Variants in PRDM16 observed in about 807,000 individuals in gnomAD.
The protein encoded by PRDM16 is histone-lysine N-methyltransferase PRDM16.
In PRDM16, 23 loss-of-function variants were observed where a neutral mutation model predicts 110.6. The observed-to-expected ratio is 0.21, with a 90% confidence interval of 0.15 to 0.29. The LOEUF is 0.29. Ranked by LOEUF, PRDM16 falls within the 10% of genes least tolerant of loss-of-function variation. The probability of loss-of-function intolerance (pLI) is 1.00; values close to 1 mark genes in which losing one functional copy is unlikely to be tolerated. For synonymous variants in PRDM16, 799 were observed against 781.8 expected, an observed-to-expected ratio of 1.02 and a Z score of -0.37; for missense variants, 1,615 against 1,794.3, an observed-to-expected ratio of 0.90 and a Z score of 1.81.
intron 2 of PRDM16, among the ~76,000 whole-genome samples, chr1:3,202,218 C>G (rs2100829997): frequency 6.6e-6 from 1 of 152,314 alleles, no homozygotes; most frequent in East Asian, 1.9e-4. Context: ...GAAACTGAGT[C>G]TGGGAAACAG....
chr1:3,131,760 G>A (rs1441798227), intron 1 of PRDM16, among the ~76,000 whole-genome samples: 1 of 151,950 alleles, frequency 6.6e-6, no homozygotes, highest in Non-Finnish European at 1.5e-5. Context: ...TCCAGGCCCC[G>A]CAAACCTCAC....
intron 3 of PRDM16, among the ~76,000 whole-genome samples, chr1:3,330,391 T>C (rs1031028230): frequency 7.2e-5 from 11 of 152,254 alleles, no homozygotes; most frequent in African/African-American, 1.9e-4. Flanking sequence ...CAAGGCCTTC[T>C]CTGGTGGCCT....
chr1:3,129,157 T>G (rs1001681527), intron 1 of PRDM16, among the ~76,000 whole-genome samples: 2 of 147,420 alleles, frequency 1.4e-5, no homozygotes, highest in Non-Finnish European at 3.0e-5. Context: ...GGCGTGCGTG[T>G]GTGGGTGGGT....
At chr1:3,188,513 C>T (rs1489471681) in intron 2 of PRDM16, among the ~76,000 whole-genome samples, 1 of 152,220 alleles carries the variant, frequency 6.6e-6, no homozygotes, top group Non-Finnish European at 1.5e-5. Flanking sequence ...ACGCGCTCTC[C>T]TCACGGCGCA....
intron 3 of PRDM16, among the ~76,000 whole-genome samples, chr1:3,280,616 C>T (rs1001605922): frequency 4.6e-5 from 7 of 152,204 alleles, no homozygotes; most frequent in Non-Finnish European, 1.0e-4. Context: ...CCACCTCTCA[C>T]CCCAGCAAGG....
intron 1 of PRDM16, among the ~76,000 whole-genome samples, chr1:3,160,566 C>A (rs1311642116): frequency 2.0e-5 from 3 of 152,288 alleles, no homozygotes; most frequent in African/African-American, 7.2e-5. Context: ...TCACAGAGAA[C>A]AACACAGTCT....
In PRDM16 at chr1:3,325,413, G is replaced by A. The variant is rs191849133; in HGVS notation, c.439-59739G>A. 1.6e-4 allele frequency among the ~76,000 whole-genome samples: 25 copies of A among 152,314 alleles called. No individual in the cohort carries two copies. The East Asian group carries it at 4.3e-3, about 26-fold the overall frequency. ...TCCTGGGAATGGACCGAGTCCTTGT[G>A]GCAGAGGCTGAGGGCTGGCCATGCC... On this transcript the variant is annotated intron_variant, in intron 3 of 16. Coordinates refer to ENST00000270722, the MANE Select transcript of PRDM16 (RefSeq NM_022114.4).
chr1:3,363,103 C>G lies in PRDM16; in HGVS notation c.439-22049C>G, dbSNP rs981800885. 2.0e-5 allele frequency among the ~76,000 whole-genome samples: 3 copies of G among 152,196 alleles called. No individual in the cohort carries two copies. The East Asian group carries it at 5.8e-4, about 29-fold the overall frequency. ...GGGGCCTTTCTGACTGGGCAAGGCC[C>G]ATCACAGCCAGCCTCCCCTGGGGAG... is the stretch of plus-strand genomic sequence containing the variant. On this transcript the variant is annotated intron_variant, in intron 3 of 16. Transcript: ENST00000270722.
chr1:3,343,556 C>G (rs1470349404), intron 3 of PRDM16, among the ~76,000 whole-genome samples: 3 of 151,680 alleles, frequency 2.0e-5, no homozygotes, highest in East Asian at 3.9e-4. Flanking sequence ...CCTCCTGGGA[C>G]TCCAGTTACA....
At chr1:3,296,381 A>G (rs759350707) in intron 3 of PRDM16, among the ~76,000 whole-genome samples, 1 of 152,240 alleles carries the variant, frequency 6.6e-6, no homozygotes, top group Non-Finnish European at 1.5e-5. Context: ...ATTCTCCTGC[A>G]AACACTTCTC....
rs749011586 is a variant in PRDM16 at position 3,370,072 on chromosome 1, T to C, written c.439-15080T>C. Among the ~76,000 whole-genome samples the C allele has an allele frequency of 6.6e-6, 1 of 152,134 alleles. No individual in the cohort carries two copies. Among genetic ancestry groups the C allele is most frequent in the East Asian group, 1.9e-4 (1 of 5,182 alleles). ...CTGCAGGGAAGGCACTAAATATAACTGGGCTGGATCCATCCTGGCCCTTCT... is the reference window on the plus strand; with the variant it reads ...CTGCAGGGAAGGCACTAAATATAACCGGGCTGGATCCATCCTGGCCCTTCT... On this transcript the variant is annotated intron_variant, in intron 3 of 16. Coordinates refer to ENST00000270722, the MANE Select transcript of PRDM16 (RefSeq NM_022114.4). This position sits in a 1 kb window ranked among gnomAD's most constrained non-coding sequence, Gnocchi z 4.8.
chr1:3,233,460 C>T (rs569422631), intron 2 of PRDM16, among the ~76,000 whole-genome samples: 12 of 152,318 alleles, frequency 7.9e-5, no homozygotes, highest in African/African-American at 2.2e-4. Flanking sequence ...TCACAGTGAG[C>T]GGAATCTGTC....
At chr1:3,099,765 AC>A (rs1396126531) in intron 1 of PRDM16, among the ~76,000 whole-genome samples, 3 of 152,176 alleles carry the variant, frequency 2.0e-5, no homozygotes, top group African/African-American at 7.2e-5. Flanking sequence ...AGCATCAGAG[AC>A]CGTTTAAGAG....
chr1:3,146,628 TGTGCTTGGTATGGGGTGTGTGTGTGCAC>T (rs1643663258), intron 1 of PRDM16, among the ~76,000 whole-genome samples: 3 of 127,100 alleles, frequency 2.4e-5, no homozygotes, highest in African/African-American at 3.1e-5. Flanking sequence ...TGTGTGTGCA[TGTGCTTGGTATGGGGTGTGTGTGTGCAC>T]GTGTGTGCTC....
Position 3,314,072 on chromosome 1 carries a change from G to GGGGGGGT in PRDM16, c.438+69941_438+69942insTGGGGGG, listed in dbSNP as rs200867925. On this transcript the variant is annotated intron_variant, in intron 3 of 16. Coordinates refer to ENST00000270722, the MANE Select transcript of PRDM16 (RefSeq NM_022114.4). ...CCCCCGAATGCCGTCCTTCCCCACC[G>GGGGGGGT]GGGGGGGGGGCGGGAACATAAAATG... Among the ~76,000 whole-genome samples the GGGGGGGT allele has an allele frequency of 7.3e-5, 8 of 110,186 alleles. 3 individuals carry two copies. The East Asian group carries it at 3.0e-3, about 42-fold the overall frequency. The allele number at this position is 110,186 out of a possible 152,430, so 72.3% of individuals were successfully genotyped here.
chr1:3,371,606 T>C (rs549079691), intron 3 of PRDM16, among the ~76,000 whole-genome samples: 1 of 152,174 alleles, frequency 6.6e-6, no homozygotes, highest in Admixed American at 6.5e-5. Context: ...CATCCATCCA[T>C]TCATGGAAAC....
At chr1:3,345,353 T>C (rs546060409) in intron 3 of PRDM16, among the ~76,000 whole-genome samples, 2 of 152,354 alleles carry the variant, frequency 1.3e-5, no homozygotes, top group Non-Finnish European at 2.9e-5. Flanking sequence ...TCTACCACTG[T>C]GGGAACCGGA....
Position 3,411,823 on chromosome 1 carries a change from C to T in PRDM16, c.1626C>T (p.Thr542=), listed in dbSNP as rs776687433. ...TSLLKSPLNH[T]QDAKLPSPLG... ...TGCTCAAGAGCCCCCTGAACCACACCCAGGACGCCAAGCTCCCCAGTCCCC... is the reference window on the plus strand; with the variant it reads ...TGCTCAAGAGCCCCCTGAACCACACTCAGGACGCCAAGCTCCCCAGTCCCC... Residue 542 remains threonine, a synonymous_variant, in exon 9 of 17, where the codon ACC becomes ACT. Coordinates refer to ENST00000270722, the MANE Select transcript of PRDM16 (RefSeq NM_022114.4). 5 of 1,611,226 alleles carry T rather than the reference C, an allele frequency of 3.1e-6. No homozygotes were observed. The highest frequency in any genetic ancestry group is 3.4e-6 in the Non-Finnish European group (4 of 1,178,730).
intron 1 of PRDM16, among the ~76,000 whole-genome samples, chr1:3,104,165 T>G (rs1642594281): frequency 6.6e-6 from 1 of 152,186 alleles, no homozygotes; most frequent in Non-Finnish European, 1.5e-5. Context: ...ACAGCATGGC[T>G]CAGGAGCCTG....
Sources: allele counts gnomAD v4.1 joint callset (sites outside exome capture counted in the v4.1 genomes callset), GRCh38; gene constraint gnomAD v4.1.1; non-coding constraint Gnocchi (gnomAD v3.1); transcripts MANE v1.5; gene names NCBI Gene and HGNC (gene_info 2026-07-23, HGNC 2026-07-21).